LGR5: variants seen among roughly 807,000 people sequenced by gnomAD.
LGR5 encodes the protein leucine rich repeat containing G protein-coupled receptor 5, also known as leucine-rich repeat-containing G protein-coupled receptor 5.
Under a neutral mutation model 76.7 loss-of-function variants are expected in LGR5, and 54 were observed. That is an observed-to-expected ratio of 0.70 (90% CI 0.57 to 0.88). The LOEUF (loss-of-function observed/expected upper bound fraction) is 0.88, where lower values mean the gene tolerates loss of function less well. Ranked by LOEUF, LGR5 falls within the 40% of genes least tolerant of loss-of-function variation. LGR5 has a pLI of 0.00. For synonymous variants in LGR5, 406 were observed against 421.9 expected, an observed-to-expected ratio of 0.96 and a Z score of 0.46; for missense variants, 1,078 against 1,073.3, an observed-to-expected ratio of 1.00 and a Z score of -0.06.
At chr12:71,464,040 A>C (rs972468280) in intron 1 of LGR5, among the ~76,000 whole-genome samples, 8 of 152,170 alleles carry the variant, frequency 5.3e-5, no homozygotes, top group Non-Finnish European at 7.3e-5. Context: ...CTCTGCAAAA[A>C]TATGTTATTG....
intron 4 of LGR5, among the ~76,000 whole-genome samples, chr12:71,546,900 G>T (rs1415685938): frequency 6.6e-6 from 1 of 152,174 alleles, no homozygotes; most frequent in African/African-American, 2.4e-5. Context: ...GATACTCAAA[G>T]TTATTGAGGC....
At chr12:71,444,906 T>G (rs1236706259) in intron 1 of LGR5, among the ~76,000 whole-genome samples, 1 of 152,208 alleles carries the variant, frequency 6.6e-6, no homozygotes, top group African/African-American at 2.4e-5. Context: ...TTTATAATTT[T>G]ATAACTGATA....
At chr12:71,508,143 G>A (rs370670893) in intron 2 of LGR5, among the ~76,000 whole-genome samples, 20 of 151,976 alleles carry the variant, frequency 1.3e-4, no homozygotes, top group Middle Eastern at 3.4e-3. Context: ...CAAGGGAATC[G>A]CTTGAACCCA....
chr12:71,507,992 G>A (rs954485268), intron 2 of LGR5, among the ~76,000 whole-genome samples: 3 of 151,756 alleles, frequency 2.0e-5, no homozygotes, highest in African/African-American at 7.3e-5. Context: ...AGGCCAAGGC[G>A]GGCAGATCAC....
rs1873676327 is a variant in LGR5, at chr12:71,483,005, CT to C, written c.213-21608del. Among the ~76,000 whole-genome samples, 4 of 152,002 alleles carry C rather than the reference CT, an allele frequency of 2.6e-5. No individual in the cohort carries two copies. The South Asian group carries it at 8.3e-4, about 32-fold the overall frequency. ...ATTGGGTTCTGACATTACTGCACCC[CT>C]AAGACAAATTTGGGAAAATTTGTGG... On this transcript the variant is annotated intron_variant, in intron 1 of 17. Transcript: ENST00000266674.
At chr12:71,541,793 A>G (rs1029650962) in intron 4 of LGR5, among the ~76,000 whole-genome samples, 3 of 152,202 alleles carry the variant, frequency 2.0e-5, no homozygotes, top group Non-Finnish European at 2.9e-5. Flanking sequence ...CCAAGGTCAC[A>G]TGATTTGTAA....
At chr12:71,529,116 T>C (rs1592516391) in intron 3 of LGR5, among the ~76,000 whole-genome samples, 1 of 152,342 alleles carries the variant, frequency 6.6e-6, no homozygotes, top group South Asian at 2.1e-4. Flanking sequence ...GCATGTTATA[T>C]TTATTTTAAT....
At chr12:71,488,601 G>A (rs1873936297) in intron 1 of LGR5, among the ~76,000 whole-genome samples, 1 of 152,160 alleles carries the variant, frequency 6.6e-6, no homozygotes, top group Non-Finnish European at 1.5e-5. Flanking sequence ...ATGCATCAAT[G>A]TTTTGCAGCA....
At position 71,571,826 on chromosome 12, in the gene LGR5, C is replaced by A. The variant is rs567902476; in HGVS notation, c.1136+247C>A. ...TATATCCGCTTTTTTCTCCCCCTAA[C>A]TCAGGGTACTAGTGAATTGGGTGTG... On this transcript the variant is annotated intron_variant, in intron 12 of 17. Coordinates refer to ENST00000266674, the MANE Select transcript of LGR5 (RefSeq NM_003667.4). Among the ~76,000 whole-genome samples, 102 of 152,298 alleles carry A rather than the reference C, an allele frequency of 6.7e-4. 1 individual carries two copies. Among genetic ancestry groups the A allele is most frequent in the Admixed American group, 3.5e-3 (53 of 15,292 alleles).
chr12:71,501,034 T>A (rs1874574026), intron 1 of LGR5, among the ~76,000 whole-genome samples: 1 of 152,230 alleles, frequency 6.6e-6, no homozygotes, highest in South Asian at 2.1e-4. Flanking sequence ...AAATTCATTA[T>A]GTGGCTTCAT....
intron 3 of LGR5, among the ~76,000 whole-genome samples, chr12:71,532,561 A>T (rs920952862): frequency 6.6e-6 from 1 of 152,186 alleles, no homozygotes; most frequent in Non-Finnish European, 1.5e-5. Flanking sequence ...AATTTTTATG[A>T]TCTCCAAATA....
chr12:71,535,258 C>A, intron 4 of LGR5, 72 bp downstream of exon 4: 1 of 1,019,834 alleles, frequency 9.8e-7, no homozygotes, highest in South Asian at 1.3e-5. Context: ...TTCAGTTGAC[C>A]ATTTTAGTAT....
At chr12:71,462,328 C>T (rs541550991) in intron 1 of LGR5, among the ~76,000 whole-genome samples, 1 of 152,140 alleles carries the variant, frequency 6.6e-6, no homozygotes, top group Non-Finnish European at 1.5e-5. Context: ...TTAATATCTC[C>T]TTATCTAGTG....
At chr12:71,446,939 T>A (rs1020143936) in intron 1 of LGR5, among the ~76,000 whole-genome samples, 2 of 152,214 alleles carry the variant, frequency 1.3e-5, no homozygotes, top group East Asian at 3.8e-4. Context: ...CAGAGTATTG[T>A]GAAGAGGGAT....
Position 71,584,465 on chromosome 12 carries a change from C to G in LGR5, c.2455C>G (p.Leu819Val), listed in dbSNP as rs939227889. 2.5e-6 allele frequency: 4 copies of G among 1,614,056 alleles called. No homozygotes were observed. Among genetic ancestry groups the G allele is most frequent in the Non-Finnish European group, 3.4e-6 (4 of 1,180,028 alleles). The change falls in exon 18 of 18, where the codon CTC (leucine) becomes GTC (valine). Residue 819 changes from leucine (L) to valine (V), a missense_variant. Leu to Val is a conservative substitution (Grantham distance 32). Transcript: ENST00000266674. Reference protein sequence around the residue: ...VPLPACLNPLLYILFNPHFKE... With the variant: ...VPLPACLNPLVYILFNPHFKE... ...ACTTCCTGCATGTCTCAATCCCCTT[C>G]TCTACATCTTGTTCAATCCTCACTT... is the stretch of plus-strand genomic sequence containing the variant.
chr12:71,471,806 A>G (rs561514360), intron 1 of LGR5, among the ~76,000 whole-genome samples: 1 of 152,224 alleles, frequency 6.6e-6, no homozygotes, highest in African/African-American at 2.4e-5. Context: ...CATTATGGAG[A>G]CTGAATAGGC....
chr12:71,585,967 T>TGG lies in LGR5; in HGVS notation c.*1234_*1235dup, dbSNP rs1565786818. 2.0e-5 allele frequency: 3 copies of TGG among 152,198 alleles called. No homozygotes were observed. The highest frequency in any genetic ancestry group is 7.2e-5 in the African/African-American group (3 of 41,454). 9.4% of individuals were successfully genotyped at this position (152,198 alleles called of 1,614,324 possible). On this transcript the variant is annotated 3_prime_UTR_variant, in exon 18 of 18. Coordinates refer to ENST00000266674, the MANE Select transcript of LGR5 (RefSeq NM_003667.4). ...TTAGCTTCAATACATCCAAACCAAA[T>TGG]GGCTGTTAGGTAGATTTATTTTTAT... is the stretch of plus-strand genomic sequence containing the variant.
intron 8 of LGR5, among the ~76,000 whole-genome samples, chr12:71,564,729 A>G (rs1434774804): frequency 1.4e-5 from 2 of 139,846 alleles, no homozygotes; most frequent in Non-Finnish European, 3.2e-5. Context: ...ATATACATAT[A>G]TGTACACACA....
intron 11 of LGR5, 105 bp from the exon 12 acceptor site, chr12:71,571,409 T>G (rs933800372): frequency 1.7e-5 from 12 of 727,222 alleles, no homozygotes; most frequent in Non-Finnish European, 2.7e-5. Context: ...GTTCAGAGTC[T>G]GCCTTTGGGA....
Sources: gnomAD v4.1 joint callset for allele counts (sites outside exome capture counted in the v4.1 genomes callset) on GRCh38, gnomAD v4.1.1 for gene constraint, MANE v1.5 for transcripts, NCBI Gene and HGNC (gene_info 2026-07-23, HGNC 2026-07-21) for gene names.